Variants in CLUH observed in about 807,000 individuals in gnomAD.
CLUH encodes the protein clustered mitochondria protein homolog.
In CLUH, 77 loss-of-function variants were observed where a neutral mutation model predicts 139.3. That is an observed-to-expected ratio of 0.55 (90% CI 0.46 to 0.67). The LOEUF is 0.67. Among genes scored for constraint, CLUH ranks in the 30% least tolerant of loss-of-function variants. The probability of loss-of-function intolerance (pLI) is 0.00; values close to 1 mark genes in which losing one functional copy is unlikely to be tolerated. For synonymous variants in CLUH, 999 were observed against 801.6 expected (o/e 1.25, Z -4.16); for missense variants, 1,876 against 1,875.8 (o/e 1.00, Z 0.00).
Position 2,691,860 on chromosome 17 carries a change from G to C in CLUH, c.3690C>G (p.Ser1230=), listed in dbSNP as rs2069654046. ...GEDHEKTKES[S]EYLKCLTQQA... is the part of the protein sequence containing the mutation. ...GCTGGGTCAGGCACTTGAGGTACTC[G>C]GAGCTTTCCTTGGTCTTCTCATGGT... Residue 1230 remains serine (S), a synonymous_variant, in exon 24 of 26, where the codon TCC becomes TCG. Transcript: ENST00000651024. The C allele has an allele frequency of 1.3e-6, 2 of 1,547,840 alleles. No individual in the cohort carries two copies. Among genetic ancestry groups the C allele is most frequent in the African/African-American group, 2.7e-5 (2 of 73,052 alleles).
rs762378554 is a variant in CLUH, at chr17:2,699,744, GTC to G, written c.1266+636_1266+637del. On this transcript the variant is annotated intron_variant, in intron 9 of 25. Transcript: ENST00000651024. ...CCTATTGGGTTCAAGCAATTCTCCT[GTC>G]TCAGACTCCCGAGTAGCTGGGACTA... 8.8e-4 allele frequency among the ~76,000 whole-genome samples: 133 copies of G among 151,224 alleles called. 1 individual carries two copies. Among genetic ancestry groups the G allele is most frequent in the Non-Finnish European group, 1.6e-3 (106 of 67,866 alleles).
rs1225452746 is a variant in CLUH at position 2,706,764 on chromosome 17, G to A, written c.101-2200C>T. Among the ~76,000 whole-genome samples the A allele has an allele frequency of 4.6e-5, 7 of 152,170 alleles. No homozygotes were observed. Among genetic ancestry groups the A allele is most frequent in the Non-Finnish European group, 8.8e-5 (6 of 68,022 alleles). ...GTCCCTGAGAAAGGCTGTGCTGGCTGCCAAGCCCCTGGAATAAGGGGAGAA... is the reference window on the plus strand; with the variant it reads ...GTCCCTGAGAAAGGCTGTGCTGGCTACCAAGCCCCTGGAATAAGGGGAGAA... On this transcript the variant is annotated intron_variant, in intron 1 of 25. Transcript: ENST00000651024. This position sits in a 1 kb window ranked among gnomAD's most constrained non-coding sequence, Gnocchi z 4.6.
chr17:2,701,342 T>C (rs764229492), intron 6 of CLUH, 24 bp downstream of exon 6: 15 of 1,590,436 alleles, frequency 9.4e-6, no homozygotes, highest in Non-Finnish European at 1.3e-5. Flanking sequence ...GGCAGGGGGG[T>C]GTGGTGGGCT....
At chr17:2,699,032 G>A (rs1019447550) in intron 9 of CLUH, among the ~76,000 whole-genome samples, 2 of 152,058 alleles carry the variant, frequency 1.3e-5, no homozygotes, top group Non-Finnish European at 2.9e-5. Context: ...GGGGGACAGA[G>A]TGAGACTCCA....
At chr17:2,709,816 C>A (rs1236783785) in intron 1 of CLUH, among the ~76,000 whole-genome samples, 1 of 152,140 alleles carries the variant, frequency 6.6e-6, no homozygotes, top group African/African-American at 2.4e-5. Context: ...TTCAATAGAT[C>A]CGGGCTGGCT....
rs756824307 is a variant in CLUH at position 2,698,606 on chromosome 17, G to A, written c.1267-16C>T. ...CGCTGTGCACCTGGCGGGGGTCGAG[G>A]AGGGCAGGGTTAGAGGCCGCGCCCA... On this transcript the variant is annotated splice_polypyrimidine_tract_variant and intron_variant, in intron 9 of 25. Coordinates refer to ENST00000651024, the MANE Select transcript of CLUH (RefSeq NM_001366661.1). 9.5e-6 allele frequency: 15 copies of A among 1,572,826 alleles called. No individual in the cohort carries two copies. The highest frequency in any genetic ancestry group is 3.5e-5 in the South Asian group (3 of 86,560).
At chr17:2,699,429 C>A (rs902415507) in intron 9 of CLUH, among the ~76,000 whole-genome samples, 1 of 152,240 alleles carries the variant, frequency 6.6e-6, no homozygotes, top group South Asian at 2.1e-4. Flanking sequence ...CTGGCTCAGG[C>A]CATCCTCCCA....
chr17:2,696,582 C>T (rs773613334), intron 11 of CLUH, 44 bp from the exon 12 acceptor site: 12 of 1,535,484 alleles, frequency 7.8e-6, no homozygotes, highest in South Asian at 5.9e-5. Flanking sequence ...CCTCTGCCAC[C>T]GGTGGAGCTG....
chr17:2,701,929 C>G lies in CLUH; in HGVS notation c.604G>C (p.Asp202His). The change falls in exon 4 of 26, where the codon GAC (aspartate) becomes CAC (histidine). Residue 202 changes from aspartate to histidine, a missense_variant. By Grantham distance (81) the Asp-to-His change is moderately conservative. This residue lies in a region of CLUH where 270 missense variants were observed against 354.7 expected (regional missense o/e 0.76). Coordinates refer to ENST00000651024, the MANE Select transcript of CLUH (RefSeq NM_001366661.1). ...CCTCCCGCACCTCCCAGGTCGCCGT[C>G]GGTGAAGACACTCAGGAAGGACAAG... ...NSLSFLSVFT[D>H]GDLGDSGKRK... 6.2e-7 allele frequency: 1 copy of G among 1,613,876 alleles called. No homozygotes were observed. The highest frequency in any genetic ancestry group is 8.5e-7 in the Non-Finnish European group (1 of 1,179,896).
At position 2,707,124 on chromosome 17, in the gene CLUH, C is replaced by T. The variant is rs1344396380; in HGVS notation, c.101-2560G>A. 4.2e-6 allele frequency: 4 copies of T among 960,360 alleles called. No individual in the cohort carries two copies. The highest frequency in any genetic ancestry group is 5.0e-6 in the Non-Finnish European group (4 of 807,236). 59.5% of individuals were successfully genotyped at this position (960,360 alleles called of 1,614,324 possible). ...TCCCCACCCCTGGATGAAGGCTGAG[C>T]GATCTCCCCCGCAGGCAGCTGGCTG... On this transcript the variant is annotated intron_variant, in intron 1 of 25. Transcript: ENST00000651024. This position sits in a 1 kb window ranked among gnomAD's most constrained non-coding sequence, Gnocchi z 7.4.
intron 1 of CLUH, among the ~76,000 whole-genome samples, chr17:2,708,670 T>G (rs1373112871): frequency 6.6e-6 from 1 of 150,580 alleles, no homozygotes; most frequent in African/African-American, 2.4e-5. Context: ...CCCATGGCTT[T>G]TGAGTCACTC....
intron 19 of CLUH, 69 bp from the exon 20 acceptor site, chr17:2,692,929 G>T (rs554152809): frequency 6.9e-7 from 1 of 1,446,176 alleles, no homozygotes; most frequent in South Asian, 1.4e-5. Flanking sequence ...GCCTGGCCCC[G>T]GCCCAGCAGC....
chr17:2,709,015 G>A (rs1034758439), intron 1 of CLUH, among the ~76,000 whole-genome samples: 11 of 152,202 alleles, frequency 7.2e-5, no homozygotes, highest in African/African-American at 2.7e-4. Flanking sequence ...CGGGAGAGCC[G>A]TGCCCCAACA....
chr17:2,692,384 G>A lies in CLUH; in HGVS notation c.3537C>T (p.Pro1179=), dbSNP rs2069727357. ...ALAVSTKYHG[P]KALKVALSHH... The stretch of plus-strand genomic sequence containing the variant: ...ACCTGAGGGCCACCTTGAGGGCCTT[G>A]GGCCCGTGGTACTTGGTGCTGACGG... Residue 1179 remains proline (P), a synonymous_variant, in exon 22 of 26, where the codon CCC becomes CCT. Coordinates refer to ENST00000651024, the MANE Select transcript of CLUH (RefSeq NM_001366661.1). 1.9e-6 allele frequency: 3 copies of A among 1,590,944 alleles called. No homozygotes were observed. Among genetic ancestry groups the A allele is most frequent in the Admixed American group, 1.7e-5 (1 of 58,954 alleles).
Position 2,691,997 on chromosome 17 carries a change from CGCGCA to C in CLUH, c.3654+2_3654+6del. On this transcript the variant is annotated splice_donor_variant and splice_donor_5th_base_variant and intron_variant, in intron 23 of 25. Coordinates refer to ENST00000651024, the MANE Select transcript of CLUH (RefSeq NM_001366661.1). LOFTEE classifies it high-confidence loss of function. ...GCCCCCGCCCCCGCCACGCCCCCGC[CGCGCA>C]CCTGCGTCTTGTAGATGGTGTAACC... 5.3e-6 allele frequency: 7 copies of C among 1,328,986 alleles called. No individual in the cohort carries two copies. The highest frequency in any genetic ancestry group is 1.4e-5 in the South Asian group (1 of 69,254). The allele number at this position is 1,328,986 out of a possible 1,614,324, so 82.3% of individuals were successfully genotyped here.
rs771677618 is a variant in CLUH, at chr17:2,692,091, G to A, written c.3567C>T (p.His1189=). 79 of 1,602,036 alleles carry A rather than the reference G, an allele frequency of 4.9e-5. No individual in the cohort carries two copies. Among genetic ancestry groups the A allele is most frequent in the Non-Finnish European group, 6.6e-5 (78 of 1,175,518 alleles). The change falls in exon 23 of 26, where the codon CAC becomes CAT. Residue 1189 remains histidine, a synonymous_variant. Transcript: ENST00000651024. The part of the protein sequence containing the change: ...PKALKVALSH[H]LVARVYESKA... ...TGCTCTCGTAGACTCGGGCGACAAGGTGGTGGCTGCCGGGAGGCGCGGCGC... is the reference window on the plus strand; with the variant it reads ...TGCTCTCGTAGACTCGGGCGACAAGATGGTGGCTGCCGGGAGGCGCGGCGC...
At chr17:2,699,137 G>T (rs1169397219) in intron 9 of CLUH, among the ~76,000 whole-genome samples, 1 of 152,060 alleles carries the variant, frequency 6.6e-6, no homozygotes, top group East Asian at 1.9e-4. Context: ...ACAAGCGTGC[G>T]CAGGTTTGGG....
chr17:2,705,854 C>A (rs1383222837), intron 1 of CLUH, among the ~76,000 whole-genome samples: 1 of 152,232 alleles, frequency 6.6e-6, no homozygotes, highest in East Asian at 1.9e-4. Flanking sequence ...CCTACCCAGG[C>A]ACCAGTGGAA....
intron 1 of CLUH, among the ~76,000 whole-genome samples, chr17:2,708,860 C>T (rs979149936): frequency 2.9e-4 from 13 of 44,086 alleles, no homozygotes; most frequent in Non-Finnish European, 8.8e-4. Flanking sequence ...AGCCTCTACT[C>T]GGGGGGGGGG....
Sources: allele counts gnomAD v4.1 joint callset (sites outside exome capture counted in the v4.1 genomes callset), GRCh38; gene constraint gnomAD v4.1.1; regional missense constraint gnomAD v4.1.1; non-coding constraint Gnocchi (gnomAD v3.1); transcripts MANE v1.5; gene names NCBI Gene and HGNC (gene_info 2026-07-23, HGNC 2026-07-21).